CCSER1: variants seen among roughly 807,000 people sequenced by gnomAD.
CCSER1 encodes coiled-coil serine rich protein 1.
In CCSER1, 41 loss-of-function variants were observed where a neutral mutation model predicts 82.0. The ratio of observed to expected loss-of-function variants is 0.50; its 90% CI spans 0.39 to 0.65. The LOEUF (loss-of-function observed/expected upper bound fraction) is 0.65. CCSER1 is among the 30% of genes least tolerant of loss of function. The pLI is 0.00. For missense variants in CCSER1, 1,119 were observed against 1,064.2 expected (o/e 1.05, Z -0.72); for synonymous variants, 414 against 383.9 (o/e 1.08, Z -0.92).
Position 90,468,228 on chromosome 4 carries a change from G to C in CCSER1, c.1604-6G>C. The C allele has an allele frequency of 1.3e-6, 2 of 1,579,992 alleles. No homozygotes were observed. The highest frequency in any genetic ancestry group is 1.7e-6 in the Non-Finnish European group (2 of 1,162,942). ...ACATTTACAATTCCTCGGTTTTTTT[G>C]AACAGTTTGCCGGGAGGACTCATAT... On this transcript the variant is annotated splice_region_variant and splice_polypyrimidine_tract_variant and intron_variant, in intron 4 of 10. Transcript: ENST00000509176.
In CCSER1 at chr4:90,992,852, G is replaced by T. The variant is rs562420629; in HGVS notation, c.2172+69405G>T. Among the ~76,000 whole-genome samples the T allele has an allele frequency of 7.9e-5, 12 of 151,982 alleles. No homozygotes were observed. The South Asian group carries it at 2.5e-3, about 32-fold the overall frequency. ...GACAGGGAGACCACAGACGATAGGT[G>T]CTACAATCTTATGTAACCATCTAAT... On this transcript the variant is annotated intron_variant, in intron 9 of 10. Transcript: ENST00000509176.
intron 10 of CCSER1, among the ~76,000 whole-genome samples, chr4:91,352,941 A>G (rs184070323): frequency 5.3e-5 from 8 of 152,276 alleles, no homozygotes; most frequent in Admixed American, 4.6e-4. Flanking sequence ...ATTCAGTGCA[A>G]TGTTGAAAAA....
intron 10 of CCSER1, among the ~76,000 whole-genome samples, chr4:91,338,027 A>G (rs1747439795): frequency 6.6e-6 from 1 of 152,080 alleles, no homozygotes; most frequent in Admixed American, 6.6e-5. Flanking sequence ...CTTCTTATAA[A>G]ATCCCTTGAG....
rs187850137 is a variant in CCSER1, at chr4:90,237,667, C to T, written c.-41-70577C>T. On this transcript the variant is annotated intron_variant, in intron 1 of 10. Coordinates refer to ENST00000509176, the MANE Select transcript of CCSER1 (RefSeq NM_001145065.2). ...TCTTTGGAAATGGAAGGCCCACAAC[C>T]TACCTATATATGAAGCCAGTGTTGT... Among the ~76,000 whole-genome samples, 242 of 152,310 alleles carry T rather than the reference C, an allele frequency of 1.6e-3. 2 individuals carry two copies. The highest frequency in any genetic ancestry group is 5.5e-3 in the African/African-American group (227 of 41,578).
chr4:90,475,496 CAA>C (rs1764953060), intron 5 of CCSER1, among the ~76,000 whole-genome samples: 1 of 152,152 alleles, frequency 6.6e-6, no homozygotes, highest in East Asian at 1.9e-4. Flanking sequence ...TTTCTAACCT[CAA>C]GTCTATAGTG....
At chr4:90,950,205 T>A (rs1478645897) in intron 9 of CCSER1, among the ~76,000 whole-genome samples, 2 of 152,108 alleles carry the variant, frequency 1.3e-5, no homozygotes, top group Non-Finnish European at 2.9e-5. Context: ...AAAAAGTCAA[T>A]AGACATCCTT....
chr4:90,467,102 C>G (rs116326781), intron 4 of CCSER1, among the ~76,000 whole-genome samples: 1 of 151,972 alleles, frequency 6.6e-6, no homozygotes, highest in Non-Finnish European at 1.5e-5. Context: ...AAAGAATATG[C>G]GTGGGCCGGG....
At chr4:90,693,722 T>C (rs1736453833) in intron 6 of CCSER1, among the ~76,000 whole-genome samples, 1 of 151,992 alleles carries the variant, frequency 6.6e-6, no homozygotes, top group African/African-American at 2.4e-5. Context: ...CAGTTTCTTA[T>C]AAAATAAGAT....
At chr4:91,103,431 T>C (rs1725284275) in intron 10 of CCSER1, among the ~76,000 whole-genome samples, 1 of 152,132 alleles carries the variant, frequency 6.6e-6, no homozygotes, top group African/African-American at 2.4e-5. Flanking sequence ...AAAAAATGCA[T>C]TTCTAATTTT....
chr4:90,326,517 A>C (rs1033233928), intron 3 of CCSER1, among the ~76,000 whole-genome samples: 1 of 152,108 alleles, frequency 6.6e-6, no homozygotes, highest in Non-Finnish European at 1.5e-5. Flanking sequence ...AGTTTGGTAC[A>C]TCCCACCTAA....
intron 7 of CCSER1, among the ~76,000 whole-genome samples, chr4:90,747,340 A>G (rs940803551): frequency 6.6e-6 from 1 of 152,216 alleles, no homozygotes; most frequent in Non-Finnish European, 1.5e-5. Context: ...AAAGGATTTT[A>G]TTATAGAATA....
intron 1 of CCSER1, among the ~76,000 whole-genome samples, chr4:90,167,125 A>T (rs921170470): frequency 6.6e-6 from 1 of 152,212 alleles, no homozygotes; most frequent in East Asian, 1.9e-4. Context: ...TTGGATTTCC[A>T]CATTTCTATG....
intron 1 of CCSER1, among the ~76,000 whole-genome samples, chr4:90,225,483 A>G (rs1366364763): frequency 6.6e-6 from 1 of 152,130 alleles, no homozygotes. Flanking sequence ...ATTTCTATAG[A>G]TCTATTATCT....
chr4:90,370,685 G>A (rs1747241783), intron 3 of CCSER1, among the ~76,000 whole-genome samples: 1 of 151,972 alleles, frequency 6.6e-6, no homozygotes, highest in East Asian at 1.9e-4. Flanking sequence ...CATTTTAAAT[G>A]AGCCCTTTCA....
chr4:90,546,123 A>G (rs1391990289), intron 5 of CCSER1, among the ~76,000 whole-genome samples: 1 of 151,062 alleles, frequency 6.6e-6, no homozygotes, highest in Non-Finnish European at 1.5e-5. Flanking sequence ...AAATAGTTTG[A>G]CAGCTTAAGG....
chr4:90,714,162 T>A (rs1399286941), intron 6 of CCSER1, among the ~76,000 whole-genome samples: 1 of 152,056 alleles, frequency 6.6e-6, no homozygotes, highest in Non-Finnish European at 1.5e-5. Flanking sequence ...TCTTTAAATA[T>A]CTACTTTTAA....
At chr4:91,117,735 C>T (rs1726747489) in intron 10 of CCSER1, among the ~76,000 whole-genome samples, 1 of 152,096 alleles carries the variant, frequency 6.6e-6, no homozygotes, top group Non-Finnish European at 1.5e-5. Flanking sequence ...TTTGTGGTGT[C>T]AACCACACTT....
rs556305097 is a variant in CCSER1 at position 91,531,675 on chromosome 4, G to A, written c.2218-66897G>A. ...CAGTTCTGGAGACTGGGAAGTCCAAGATCAAAACAATTCAATGTTGGGAAA... is the reference window on the plus strand; with the variant it reads ...CAGTTCTGGAGACTGGGAAGTCCAAAATCAAAACAATTCAATGTTGGGAAA... On this transcript the variant is annotated intron_variant, in intron 10 of 10. Transcript: ENST00000509176. Among the ~76,000 whole-genome samples, 7 of 152,228 alleles carry A rather than the reference G, an allele frequency of 4.6e-5. No homozygotes were observed. In the East Asian group the frequency reaches 1.4e-3, roughly 29 times the overall value.
At chr4:90,958,272 T>A (rs1733722914) in intron 9 of CCSER1, among the ~76,000 whole-genome samples, 1 of 152,182 alleles carries the variant, frequency 6.6e-6, no homozygotes, top group East Asian at 1.9e-4. Context: ...CTATACCAAC[T>A]GTGATAAAGT....
Sources: gnomAD v4.1 joint callset for allele counts (sites outside exome capture counted in the v4.1 genomes callset) on GRCh38, gnomAD v4.1.1 for gene constraint, MANE v1.5 for transcripts, NCBI Gene and HGNC (gene_info 2026-07-23, HGNC 2026-07-21) for gene names.